The following SV2C variants were observed in gnomAD, a reference collection of about 807,000 sequenced individuals.
The protein encoded by SV2C is synaptic vesicle glycoprotein 2C, also known as solute carrier family 22 member B3.
A neutral mutation model predicts 79.7 loss-of-function variants in SV2C; 49 were observed. That is an observed-to-expected ratio of 0.61 (90% CI 0.49 to 0.78). SV2C has a LOEUF of 0.78. Among genes scored for constraint, SV2C ranks in the 30% least tolerant of loss-of-function variants. The pLI is 0.00. For missense variants in SV2C, 833 were observed against 912.9 expected (o/e 0.91, Z 1.13); for synonymous variants, 334 against 333.2 (o/e 1.00, Z -0.03).
At chr5:76,207,560 A>G (rs1371010891) in intron 3 of SV2C, among the ~76,000 whole-genome samples, 1 of 152,266 alleles carries the variant, frequency 6.6e-6, no homozygotes, top group Admixed American at 6.5e-5. Flanking sequence ...ACCAATAAGC[A>G]TCACACATTT....
At chr5:75,881,002 A>T in the SV2C span, among the ~76,000 whole-genome samples, 45 of 152,282 alleles carry the variant, frequency 3.0e-4, no homozygotes, top group South Asian at 9.1e-3. Flanking sequence ...CAGATCTCAC[A>T]TGGTGAGAGA....
intron 2 of SV2C, among the ~76,000 whole-genome samples, chr5:76,139,775 C>A (rs1749192110): frequency 6.6e-6 from 1 of 151,626 alleles, no homozygotes; most frequent in Non-Finnish European, 1.5e-5. Context: ...CCAATAATAT[C>A]AAAGCATTAA....
intron 1 of SV2C, among the ~76,000 whole-genome samples, chr5:76,126,054 AAAAC>A (rs953472607): frequency 2.6e-5 from 4 of 152,122 alleles, no homozygotes; most frequent in African/African-American, 9.7e-5. Context: ...CCTGTCTCAA[AAAAC>A]AAACAAAAAA....
At chr5:75,891,426 T>G in the SV2C span, among the ~76,000 whole-genome samples, 1 of 152,280 alleles carries the variant, frequency 6.6e-6, no homozygotes, top group South Asian at 2.1e-4. Context: ...TCTAGGTTTA[T>G]TTGAGGAAAG....
the SV2C span, among the ~76,000 whole-genome samples, chr5:76,044,357 G>A: frequency 1.2e-4 from 19 of 152,138 alleles, no homozygotes; most frequent in African/African-American, 4.3e-4. Context: ...TGTGAATAGT[G>A]CTGCAATGAA....
At chr5:76,349,019 G>A (rs893670929) in intron 12 of SV2C, among the ~76,000 whole-genome samples, 3 of 151,384 alleles carry the variant, frequency 2.0e-5, no homozygotes, top group African/African-American at 7.3e-5. Context: ...AAAAGAACAT[G>A]GATGCTAGAG....
At chr5:76,349,757 A>G (rs1227840878) in intron 12 of SV2C, among the ~76,000 whole-genome samples, 1 of 151,294 alleles carries the variant, frequency 6.6e-6, no homozygotes, top group Non-Finnish European at 1.5e-5. Flanking sequence ...GCAGCCTCAA[A>G]CTCCTGGCCT....
At chr5:76,165,171 C>T (rs1743009955) in intron 2 of SV2C, among the ~76,000 whole-genome samples, 1 of 152,074 alleles carries the variant, frequency 6.6e-6, no homozygotes, top group African/African-American at 2.4e-5. Flanking sequence ...CAGTTTAAGA[C>T]TCAATAGAAG....
the SV2C span, among the ~76,000 whole-genome samples, chr5:75,963,005 T>C: frequency 1.2e-4 from 19 of 152,002 alleles, no homozygotes; most frequent in African/African-American, 4.6e-4. Context: ...AAACAACTAA[T>C]GGCAACACAC....
the SV2C span, among the ~76,000 whole-genome samples, chr5:75,970,506 C>G: frequency 6.6e-6 from 1 of 151,962 alleles, no homozygotes; most frequent in Non-Finnish European, 1.5e-5. Context: ...CCACCGATCC[C>G]ACAGAAATAC....
At chr5:76,030,289 T>TTTTTTTTTTTTTTTTA in the SV2C span, among the ~76,000 whole-genome samples, 3 of 117,912 alleles carry the variant, frequency 2.5e-5, no homozygotes, top group Non-Finnish European at 3.4e-5. Flanking sequence ...TTTTTTTTTT[T>TTTTTTTTTTTTTTTTA]TTTATTTATT....
At chr5:76,267,548 A>C (rs1160345525) in intron 4 of SV2C, among the ~76,000 whole-genome samples, 2 of 152,206 alleles carry the variant, frequency 1.3e-5, no homozygotes, top group East Asian at 3.8e-4. Flanking sequence ...AACAGGTTAA[A>C]TTTTTCAGTC....
At chr5:75,905,076 A>C in the SV2C span, among the ~76,000 whole-genome samples, 60 of 152,308 alleles carry the variant, frequency 3.9e-4, no homozygotes, top group East Asian at 0.011. Context: ...TTTTAGCTTC[A>C]GTTTAGATTT....
intron 8 of SV2C, among the ~76,000 whole-genome samples, 180 bp downstream of exon 8, chr5:76,292,036 T>C (rs1433835840): frequency 4.6e-5 from 7 of 152,204 alleles, no homozygotes. Flanking sequence ...TTATTTGTTT[T>C]GTCATAAAGC....
At chr5:76,097,160 C>A (rs986122371) in intron 1 of SV2C, among the ~76,000 whole-genome samples, 3 of 152,110 alleles carry the variant, frequency 2.0e-5, no homozygotes, top group Non-Finnish European at 4.4e-5. Flanking sequence ...CCTTGCATGT[C>A]GCACAGTTTT....
At chr5:75,965,827 G>A in the SV2C span, among the ~76,000 whole-genome samples, 1 of 151,438 alleles carries the variant, frequency 6.6e-6, no homozygotes, top group Admixed American at 6.6e-5. Flanking sequence ...ATTATCTCCA[G>A]TTCTCCAGAA....
chr5:76,078,690 A>T, upstream of SV2C: 1 of 486,524 alleles, frequency 2.1e-6, no homozygotes, highest in Non-Finnish European at 4.1e-6. Context: ...GCACAGCAAG[A>T]TCAACTTCAT....
chr5:76,186,369 A>G (rs1404046436), intron 2 of SV2C, among the ~76,000 whole-genome samples: 1 of 152,192 alleles, frequency 6.6e-6, no homozygotes, highest in African/African-American at 2.4e-5. Flanking sequence ...ACTGCTATGA[A>G]AAAATACCCA....
intron 9 of SV2C, 104 bp from the exon 10 acceptor site, chr5:76,298,690 A>G (rs1747863306): frequency 7.7e-7 from 1 of 1,304,854 alleles, no homozygotes; most frequent in East Asian, 2.3e-5. Flanking sequence ...TATAATTAAG[A>G]CAGTCCATAG....
Sources: gnomAD v4.1 joint callset for allele counts (sites outside exome capture counted in the v4.1 genomes callset) on GRCh38, gnomAD v4.1.1 for gene constraint, MANE v1.5 for transcripts, NCBI Gene and HGNC (gene_info 2026-07-23, HGNC 2026-07-21) for gene names.